SULF1: variants seen among roughly 807,000 people sequenced by gnomAD.
SULF1 encodes the protein sulfatase 1.
A neutral mutation model predicts 110.5 loss-of-function variants in SULF1; 46 were observed. That is an observed-to-expected ratio of 0.42 (90% CI 0.33 to 0.53). The LOEUF (loss-of-function observed/expected upper bound fraction) is 0.53. SULF1 is among the 20% of genes least tolerant of loss of function. The pLI, the probability that SULF1 is intolerant of heterozygous loss-of-function variation, is 0.12. For missense variants in SULF1, 941 were observed against 1,094.2 expected, an observed-to-expected ratio of 0.86 and a Z score of 1.98; for synonymous variants, 371 against 387.1, an observed-to-expected ratio of 0.96 and a Z score of 0.49.
chr8:69,514,387 G>A (rs1811782663), intron 3 of SULF1, among the ~76,000 whole-genome samples: 1 of 152,068 alleles, frequency 6.6e-6, no homozygotes, highest in Admixed American at 6.6e-5. Flanking sequence ...CAGATCTCAT[G>A]GGAACTCACT....
At chr8:69,491,509 A>G (rs1301412333), upstream of SULF1, among the ~76,000 whole-genome samples, 1 of 152,254 alleles carries the variant, frequency 6.6e-6, no homozygotes, top group East Asian at 1.9e-4. Context: ...ACAGATGCCA[A>G]CATTCTTGTT....
At position 69,592,032 on chromosome 8, in the gene SULF1, C is replaced by T. The variant is rs150852732; in HGVS notation, c.734+2891C>T. 7.1e-3 allele frequency among the ~76,000 whole-genome samples: 1,076 copies of T among 152,208 alleles called. 9 individuals are homozygous for T. The highest frequency in any genetic ancestry group is 0.025 in the African/African-American group (1,024 of 41,526). On this transcript the variant is annotated intron_variant, in intron 8 of 22. Transcript: ENST00000402687. Reference sequence around the variant, plus strand: ...AAGTGACAAGCACAGAGCAGACGTTCGCAGGGCTGTGGAGCGGGGAGGGAG... The same window carrying T: ...AAGTGACAAGCACAGAGCAGACGTTTGCAGGGCTGTGGAGCGGGGAGGGAG...
intron 13 of SULF1, 68 bp from the exon 14 acceptor site, chr8:69,620,967 G>GA: frequency 7.4e-7 from 1 of 1,345,746 alleles, no homozygotes; most frequent in Non-Finnish European, 1.0e-6. Flanking sequence ...AAAAAACTAA[G>GA]GCAGCAGCTC....
chr8:69,585,726 T>C (rs1806407146), intron 6 of SULF1, among the ~76,000 whole-genome samples: 1 of 152,206 alleles, frequency 6.6e-6, no homozygotes, highest in African/African-American at 2.4e-5. Context: ...GACAGAATTT[T>C]TATTATCGAT....
rs765993243 is a variant in SULF1 at position 69,638,535 on chromosome 8, A to G, written c.2318A>G (p.Asn773Ser). 1.2e-6 allele frequency: 2 copies of G among 1,613,534 alleles called. No homozygotes were observed. Among genetic ancestry groups the G allele is most frequent in the South Asian group, 1.1e-5 (1 of 90,832 alleles). Reference sequence around the variant, plus strand: ...TTCTGTGCTTGCACGAGTTCTAACAATAACACCTACTGGTGTTTGCGTACA... The same window carrying G: ...TTCTGTGCTTGCACGAGTTCTAACAGTAACACCTACTGGTGTTTGCGTACA... ...GSFCACTSSNNNTYWCLRTVN... is the reference protein window; with the variant it reads ...GSFCACTSSNSNTYWCLRTVN... Residue 773 changes from asparagine (N) to serine (S), a missense_variant, in exon 20 of 23, where the codon AAT becomes AGT. Around this residue, in one of 3 missense-constraint regions of SULF1, gnomAD observed 112 missense variants for 133.5 expected, o/e 0.84. Transcript: ENST00000402687.
At chr8:69,572,888 C>T (rs139400324) in intron 5 of SULF1, among the ~76,000 whole-genome samples, 4 of 152,280 alleles carry the variant, frequency 2.6e-5, no homozygotes, top group Admixed American at 2.0e-4. Context: ...AGTGCAGTGG[C>T]GCGATCTTGG....
At chr8:69,590,940 C>A (rs934482448) in intron 8 of SULF1, among the ~76,000 whole-genome samples, 1 of 152,160 alleles carries the variant, frequency 6.6e-6, no homozygotes, top group Non-Finnish European at 1.5e-5. Context: ...CCTGAACCCC[C>A]CTGTTCCCAT....
chr8:69,601,859 C>G (rs976687660), intron 10 of SULF1, 30 bp downstream of exon 10: 13 of 1,573,632 alleles, frequency 8.3e-6, no homozygotes, highest in Non-Finnish European at 1.1e-5. Flanking sequence ...CAACATTCAA[C>G]TGTCGTACCT....
intron 3 of SULF1, among the ~76,000 whole-genome samples, chr8:69,520,112 T>TACACACACACACACAC (rs34036903): frequency 1.5e-5 from 2 of 137,042 alleles, no homozygotes; most frequent in Non-Finnish European, 3.2e-5. Context: ...AAATTCCAGT[T>TACACACACACACACAC]ACACACACAC....
chr8:69,523,136 A>T (rs146431450), intron 3 of SULF1, among the ~76,000 whole-genome samples: 1 of 152,314 alleles, frequency 6.6e-6, no homozygotes, highest in East Asian at 1.9e-4. Context: ...TTCTGAATAG[A>T]TGAGAAGAGG....
chr8:69,625,953 C>T (rs1222753929), intron 15 of SULF1: 1 of 152,270 alleles, frequency 6.6e-6, no homozygotes, highest in Non-Finnish European at 1.5e-5. Flanking sequence ...ACTTCCCCAT[C>T]AGATTAGTTA....
intron 3 of SULF1, among the ~76,000 whole-genome samples, chr8:69,549,139 G>A (rs11787265): frequency 0.13 from 20,252 of 152,122 alleles, 2,372 homozygotes; most frequent in African/African-American, 0.32. Context: ...TCCTGCCATG[G>A]CAATGCCATG....
At chr8:69,535,582 G>T (rs533890902) in intron 3 of SULF1, among the ~76,000 whole-genome samples, 1 of 152,118 alleles carries the variant, frequency 6.6e-6, no homozygotes, top group African/African-American at 2.4e-5. Flanking sequence ...GGCCTCTAGC[G>T]TTAGGATGTA....
chr8:69,643,117 T>C (rs1166347477), intron 22 of SULF1, among the ~76,000 whole-genome samples: 3 of 152,246 alleles, frequency 2.0e-5, no homozygotes, highest in African/African-American at 7.2e-5. Context: ...GCAAGCCATC[T>C]TTCAGTGGAT....
At chr8:69,542,951 A>G (rs1813959754) in intron 3 of SULF1, among the ~76,000 whole-genome samples, 1 of 152,182 alleles carries the variant, frequency 6.6e-6, no homozygotes, top group Non-Finnish European at 1.5e-5. Context: ...AATTAATATG[A>G]AATGGCCCCG....
intron 13 of SULF1, among the ~76,000 whole-genome samples, chr8:69,618,566 T>C (rs1171966230): frequency 2.0e-5 from 3 of 152,210 alleles, no homozygotes; most frequent in African/African-American, 4.8e-5. Flanking sequence ...TCTCAGTGGA[T>C]GCTGAGGGAT....
intron 13 of SULF1, among the ~76,000 whole-genome samples, chr8:69,612,923 T>C (rs1375253585): frequency 6.6e-5 from 10 of 152,170 alleles, no homozygotes; most frequent in Admixed American, 6.6e-4. Flanking sequence ...TTATGAGTTC[T>C]TTGCCTAAGC....
Position 69,575,966 on chromosome 8 carries a change from T to C in SULF1, c.173-4T>C, listed in dbSNP as rs768243456. ...CTAAACAATGCTGGCACTGTGCCTT[T>C]CAGGGTCCCTGCAAGTCATGAACAA... On this transcript the variant is annotated splice_polypyrimidine_tract_variant and splice_region_variant and intron_variant, in intron 5 of 22. Transcript: ENST00000402687. 2 of 1,613,584 alleles carry C rather than the reference T, an allele frequency of 1.2e-6. No individual in the cohort carries two copies. Among genetic ancestry groups the C allele is most frequent in the Non-Finnish European group, 1.7e-6 (2 of 1,179,742 alleles).
At chr8:69,496,190 A>AT in intron 2 of SULF1, among the ~76,000 whole-genome samples, 1 of 152,386 alleles carries the variant, frequency 6.6e-6, no homozygotes, top group African/African-American at 2.4e-5. Flanking sequence ...GCCATTTCTT[A>AT]TAAAAGGGGC....
Sources: gnomAD v4.1 joint callset for allele counts (sites outside exome capture counted in the v4.1 genomes callset) on GRCh38, gnomAD v4.1.1 for gene constraint, gnomAD v4.1.1 regional missense constraint, MANE v1.5 for transcripts, NCBI Gene and HGNC (gene_info 2026-07-23, HGNC 2026-07-21) for gene names.